Variants in ZNF345 observed in about 807,000 individuals in gnomAD.
ZNF345 encodes zinc finger protein 345.
For synonymous variants in ZNF345, 166 were observed against 187.9 expected (o/e 0.88, Z 0.95); for missense variants, 527 against 589.9 (o/e 0.89, Z 1.10).
At chr19:36,892,740 C>T (rs1051847169) in intron 3 of ZNF345, 4 of 552,348 alleles carry the variant, frequency 7.2e-6, no homozygotes, top group Non-Finnish European at 1.2e-5. Flanking sequence ...TTGGTGAATA[C>T]ACAGTGTTCA....
intron 2 of ZNF345, among the ~76,000 whole-genome samples, chr19:36,856,792 G>A (rs1323209925): frequency 6.6e-6 from 1 of 151,310 alleles, no homozygotes; most frequent in African/African-American, 2.4e-5. Context: ...AGAGACTGCA[G>A]TGAGCCAAGA....
chr19:36,852,710 T>C (rs1184590876), intron 2 of ZNF345, among the ~76,000 whole-genome samples: 2 of 152,148 alleles, frequency 1.3e-5, no homozygotes, highest in Non-Finnish European at 1.5e-5. Flanking sequence ...GCCAGCAGTT[T>C]ACAAGAGTTT....
chr19:36,880,963 A>G (rs2072964505), downstream of ZNF345, among the ~76,000 whole-genome samples: 1 of 152,200 alleles, frequency 6.6e-6, no homozygotes, highest in South Asian at 2.1e-4. Context: ...ATATAACCCA[A>G]GAAGCTGGAG....
intron 2 of ZNF345, among the ~76,000 whole-genome samples, chr19:36,854,293 C>A (rs542123103): frequency 7.3e-5 from 11 of 151,052 alleles, no homozygotes; most frequent in African/African-American, 2.2e-4. Context: ...TCCCCCTCCT[C>A]CACCTCTTCC....
chr19:36,861,651 C>G (rs777319304), intron 2 of ZNF345, among the ~76,000 whole-genome samples: 1 of 152,126 alleles, frequency 6.6e-6, no homozygotes, highest in Non-Finnish European at 1.5e-5. Context: ...ACCTCTGTCT[C>G]CTGGGTTCAA....
At chr19:36,852,180 C>T (rs1387828972) in intron 2 of ZNF345, among the ~76,000 whole-genome samples, 1 of 145,526 alleles carries the variant, frequency 6.9e-6, no homozygotes, top group Non-Finnish European at 1.5e-5. Flanking sequence ...CTGCTGTGCC[C>T]GGCCTTATCC....
intron 2 of ZNF345, among the ~76,000 whole-genome samples, chr19:36,855,759 C>CT (rs11383557): frequency 1 from 152,206 of 152,212 alleles, 76,100 homozygotes; most frequent in Non-Finnish European, 1. Flanking sequence ...GCCCATGTTT[C>CT]TTTTTAACTA....
rs770117458 is a variant in ZNF345 at position 36,877,466 on chromosome 19, C to T, written c.636C>T (p.Gly212=). 6.2e-7 allele frequency: 1 copy of T among 1,613,054 alleles called. No homozygotes were observed. The highest frequency in any genetic ancestry group is 1.1e-5 in the South Asian group (1 of 91,022). ...GTATAGATTGTGGTAAAGCCTTTGG[C>T]AGTGGTTCAAACCTTACTCAACATC... ...YECIDCGKAF[G]SGSNLTQHRR... is the part of the protein sequence containing the mutation. Residue 212 remains glycine (G), a synonymous_variant, in exon 3 of 3, where the codon GGC becomes GGT. Coordinates refer to ENST00000420450, the MANE Select transcript of ZNF345 (RefSeq NM_001242472.2).
chr19:36,877,128 G>C lies in ZNF345; in HGVS notation c.298G>C (p.Gly100Arg). ...YECKECGKAF[G>R]SGANLAYHQR... ...ATGCAAAGAATGTGGCAAGGCCTTTGGTAGTGGTGCAAACCTTGCTTACCA... is the reference window on the plus strand; with the variant it reads ...ATGCAAAGAATGTGGCAAGGCCTTTCGTAGTGGTGCAAACCTTGCTTACCA... The change falls in exon 3 of 3, where the codon GGT becomes CGT. Residue 100 changes from glycine to arginine, a missense_variant. Coordinates refer to ENST00000420450, the MANE Select transcript of ZNF345 (RefSeq NM_001242472.2). 2 of 1,613,788 alleles carry C rather than the reference G, an allele frequency of 1.2e-6. No homozygotes were observed. The highest frequency in any genetic ancestry group is 1.7e-6 in the Non-Finnish European group (2 of 1,179,900).
chr19:36,860,940 G>GTT (rs1043991818), intron 2 of ZNF345, among the ~76,000 whole-genome samples: 2 of 147,252 alleles, frequency 1.4e-5, no homozygotes, highest in South Asian at 4.3e-4. Context: ...TAATGGGAGG[G>GTT]TTTTTTTTTT....
Position 36,876,931 on chromosome 19 carries a change from AT to A in ZNF345, c.104del (p.Phe35SerfsTer4). 2 of 1,614,140 alleles carry A rather than the reference AT, an allele frequency of 1.2e-6. No homozygotes were observed. The highest frequency in any genetic ancestry group is 1.7e-6 in the Non-Finnish European group (2 of 1,180,000). ...AGAAAACAGGGATCTCAGGAAGGAC[AT>A]TTCAGTGAAATGATATTTACTCCTG... is the stretch of plus-strand genomic sequence containing the variant. ...FERKQGSQEGHFSEMIFTPED... is the reference protein window; with the variant it reads ...FERKQGSQEGXFSEMIFTPED... On this transcript the variant is annotated frameshift_variant, in exon 3 of 3. Transcript: ENST00000420450. LOFTEE classifies it low-confidence loss of function (END_TRUNC).
exon 4 of ZNF345, chr19:36,892,873 G>T (rs951054055): frequency 4.0e-5 from 46 of 1,155,876 alleles, no homozygotes; most frequent in African/African-American, 9.6e-5. Flanking sequence ...CGTACAGCTT[G>T]TGGAGCTCCG....
chr19:36,892,685 T>C, intron 3 of ZNF345: 1 of 617,892 alleles, frequency 1.6e-6, no homozygotes. Context: ...GTAGATGACC[T>C]CTATGATCCT....
intron 2 of ZNF345, among the ~76,000 whole-genome samples, chr19:36,875,933 G>A (rs2072873783): frequency 6.6e-6 from 1 of 152,110 alleles, no homozygotes; most frequent in Non-Finnish European, 1.5e-5. Context: ...AGTAGATTTG[G>A]TGTGATCAGA....
chr19:36,878,333 C>G lies in ZNF345; in HGVS notation c.*36C>G. 6.6e-7 allele frequency: 1 copy of G among 1,514,340 alleles called. No homozygotes were observed. Among genetic ancestry groups the G allele is most frequent in the South Asian group, 1.4e-5 (1 of 72,528 alleles). The allele number at this position is 1,514,340 out of a possible 1,614,324, so 93.8% of individuals were successfully genotyped here. ...TGAAGGAAGGACTCTAAACATATGA[C>G]TTAAGAAAATTCATAGTGGTGAAAA... On this transcript the variant is annotated 3_prime_UTR_variant, in exon 3 of 3. Coordinates refer to ENST00000420450, the MANE Select transcript of ZNF345 (RefSeq NM_001242472.2).
chr19:36,852,878 T>G (rs1029157639), intron 2 of ZNF345, among the ~76,000 whole-genome samples: 3 of 141,220 alleles, frequency 2.1e-5, no homozygotes, highest in African/African-American at 7.6e-5. Context: ...GTTTTTTTTG[T>G]TTTTTTTTTT....
downstream of ZNF345, among the ~76,000 whole-genome samples, chr19:36,881,252 C>G (rs1217405556): frequency 2.0e-5 from 3 of 152,186 alleles, no homozygotes; most frequent in Non-Finnish European, 2.9e-5. Context: ...TTTCAGACTT[C>G]TGGATTAAGT....
At chr19:36,870,025 C>T (rs532409987) in intron 2 of ZNF345, among the ~76,000 whole-genome samples, 77 of 152,324 alleles carry the variant, frequency 5.1e-4, no homozygotes, top group African/African-American at 1.9e-3. Context: ...AAGTGAGCCG[C>T]CCACCTTGGC....
chr19:36,875,481 G>A (rs867184028), intron 2 of ZNF345, among the ~76,000 whole-genome samples: 1 of 152,090 alleles, frequency 6.6e-6, no homozygotes, highest in Non-Finnish European at 1.5e-5. Flanking sequence ...ACAGCTTATT[G>A]TTGGGTGGGG....
Sources: allele counts gnomAD v4.1 joint callset (sites outside exome capture counted in the v4.1 genomes callset), GRCh38; gene constraint gnomAD v4.1.1; transcripts MANE v1.5; gene names NCBI Gene and HGNC (gene_info 2026-07-23, HGNC 2026-07-21).